The following CFAP43 variants were observed in gnomAD, a reference collection of about 807,000 sequenced individuals.
The protein encoded by CFAP43 is cilia and flagella associated protein 43.
CFAP43 carries 155 observed loss-of-function variants against 218.9 expected under a neutral mutation model. The ratio of observed to expected loss-of-function variants is 0.71; its 90% CI spans 0.62 to 0.81. The LOEUF (loss-of-function observed/expected upper bound fraction) is 0.81, where lower values mean the gene tolerates loss of function less well. Among genes scored for constraint, CFAP43 ranks in the 30% least tolerant of loss-of-function variants. The pLI, the probability that CFAP43 is intolerant of heterozygous loss-of-function variation, is 0.00. For missense variants in CFAP43, 1,778 were observed against 1,954.3 expected (o/e 0.91, Z 1.70); for synonymous variants, 645 against 681.3 (o/e 0.95, Z 0.83).
intron 8 of CFAP43, among the ~76,000 whole-genome samples, chr10:104,199,556 A>C (rs1412058601): frequency 6.6e-6 from 1 of 152,242 alleles, no homozygotes; most frequent in Non-Finnish European, 1.5e-5. Context: ...TTCAGACAAT[A>C]AATAATATAA....
At chr10:104,174,626 C>A (rs2089542028) in intron 19 of CFAP43, among the ~76,000 whole-genome samples, 1 of 151,958 alleles carries the variant, frequency 6.6e-6, no homozygotes, top group African/African-American at 2.4e-5. Context: ...CTATAAGATA[C>A]CTAAAATAAA....
Position 104,167,632 on chromosome 10 carries a change from C to G in CFAP43, c.2797G>C (p.Glu933Gln). The change falls in exon 22 of 38, where the codon GAG (glutamate) becomes CAG (glutamine). Residue 933 changes from glutamate to glutamine, a missense_variant. Physicochemically the swap from Glu to Gln is conservative, Grantham distance 29. This residue lies in a region of CFAP43 where 1,553 missense variants were observed against 1,685.2 expected (regional missense o/e 0.92). Transcript: ENST00000357060. Reference sequence around the variant, plus strand: ...ATTTAAAATAGTACTTTAAGACACTCTGCTTCAATCTTCTTTTGCTGTAAA... The same window carrying G: ...ATTTAAAATAGTACTTTAAGACACTGTGCTTCAATCTTCTTTTGCTGTAAA... ...RVLQQKKIEA[E>Q]CLKLRKEIVE... is the part of the protein sequence containing the mutation. 6.2e-7 allele frequency: 1 copy of G among 1,607,740 alleles called. No individual in the cohort carries two copies. Among genetic ancestry groups the G allele is most frequent in the Non-Finnish European group, 8.5e-7 (1 of 1,178,246 alleles).
chr10:104,152,568 A>C, intron 28 of CFAP43, 39 bp downstream of exon 28: 1 of 1,609,428 alleles, frequency 6.2e-7, no homozygotes, highest in Non-Finnish European at 8.5e-7. Context: ...AGGGCCCTGC[A>C]AGCTCCTTAA....
chr10:104,231,312 A>G (rs1490582259), intron 1 of CFAP43, among the ~76,000 whole-genome samples: 1 of 152,230 alleles, frequency 6.6e-6, no homozygotes, highest in African/African-American at 2.4e-5. Context: ...GAGTAGGAAA[A>G]TTGCTTATTT....
At chr10:104,198,063 A>C in intron 8 of CFAP43, 25 bp from the exon 9 acceptor site, 2 of 1,364,794 alleles carry the variant, frequency 1.5e-6, no homozygotes, top group South Asian at 1.2e-5. Flanking sequence ...AAAGAAAAGA[A>C]ACACATTGTA....
At chr10:104,218,087 G>A (rs531915611) in intron 3 of CFAP43, among the ~76,000 whole-genome samples, 5 of 152,122 alleles carry the variant, frequency 3.3e-5, no homozygotes, top group Admixed American at 1.3e-4. Flanking sequence ...AGTGGCTCAC[G>A]CCTGTAATCC....
chr10:104,156,520 C>T (rs2088556716), intron 27 of CFAP43, among the ~76,000 whole-genome samples: 1 of 152,072 alleles, frequency 6.6e-6, no homozygotes, highest in African/African-American at 2.4e-5. Flanking sequence ...GAGACTACAT[C>T]AAAGAAGAGT....
intron 23 of CFAP43, among the ~76,000 whole-genome samples, 178 bp downstream of exon 23, chr10:104,166,310 G>A (rs1303654590): frequency 6.6e-6 from 1 of 152,122 alleles, no homozygotes; most frequent in African/African-American, 2.4e-5. Flanking sequence ...TTGACCTCAC[G>A]ATCTGACTGC....
intron 29 of CFAP43, 23 bp downstream of exon 29, chr10:104,147,868 C>T: frequency 6.5e-7 from 1 of 1,526,774 alleles, no homozygotes; most frequent in Non-Finnish European, 8.9e-7. Flanking sequence ...TGCTTGTATT[C>T]AGATTTCAGA....
At chr10:104,175,630 T>A (rs1216011118) in intron 19 of CFAP43, among the ~76,000 whole-genome samples, 1 of 152,144 alleles carries the variant, frequency 6.6e-6, no homozygotes, top group Non-Finnish European at 1.5e-5. Flanking sequence ...ATTGTTTACC[T>A]TCGTGATTGC....
chr10:104,174,403 T>C (rs189034976), intron 19 of CFAP43, among the ~76,000 whole-genome samples: 131 of 152,238 alleles, frequency 8.6e-4, no homozygotes, highest in African/African-American at 3.1e-3. Flanking sequence ...ACTCCCCTTT[T>C]TAAAACTATC....
chr10:104,182,561 A>T (rs1166749189), intron 16 of CFAP43, 48 bp from the exon 17 acceptor site: 2 of 1,503,672 alleles, frequency 1.3e-6, no homozygotes, highest in Admixed American at 2.4e-5. Context: ...ATCATAATTT[A>T]AAAAATCACA....
intron 4 of CFAP43, 137 bp downstream of exon 4, chr10:104,214,121 GA>G: frequency 1.4e-6 from 1 of 721,196 alleles, no homozygotes; most frequent in Non-Finnish European, 2.0e-6. Flanking sequence ...AAGATAAGCT[GA>G]ACGTATGTGT....
At chr10:104,176,475 T>C (rs1165161771) in intron 19 of CFAP43, among the ~76,000 whole-genome samples, 1 of 152,220 alleles carries the variant, frequency 6.6e-6, no homozygotes, top group East Asian at 1.9e-4. Context: ...AAAATTCTGC[T>C]TTATAATAAA....
At chr10:104,190,851 T>C (rs726934) in intron 12 of CFAP43, among the ~76,000 whole-genome samples, 34,646 of 152,130 alleles carry the variant, frequency 0.23, 4,209 homozygotes, top group Middle Eastern at 0.32. Context: ...CTTCCTTAAC[T>C]GGGCTCTGCC....
intron 16 of CFAP43, among the ~76,000 whole-genome samples, chr10:104,184,107 A>T (rs917287462): frequency 6.6e-6 from 1 of 152,216 alleles, no homozygotes; most frequent in Non-Finnish European, 1.5e-5. Context: ...CTTTGCAAAG[A>T]TTACGGCAGT....
intron 10 of CFAP43, among the ~76,000 whole-genome samples, chr10:104,194,253 A>C (rs2090321132): frequency 6.6e-6 from 1 of 152,170 alleles, no homozygotes; most frequent in Non-Finnish European, 1.5e-5. Flanking sequence ...AATTAGAGAG[A>C]GATTTCTTGA....
chr10:104,168,092 C>T (rs1019161031), intron 21 of CFAP43, among the ~76,000 whole-genome samples: 3 of 152,048 alleles, frequency 2.0e-5, no homozygotes, highest in Non-Finnish European at 1.5e-5. Flanking sequence ...CAAATAGAGG[C>T]CAGAGATGTT....
chr10:104,161,866 T>C (rs1158114238), intron 26 of CFAP43, 95 bp downstream of exon 26: 1 of 1,163,124 alleles, frequency 8.6e-7, no homozygotes, highest in African/African-American at 1.5e-5. Flanking sequence ...CTGTAGAACT[T>C]CTAAAACCCA....
Sources: allele counts gnomAD v4.1 joint callset (sites outside exome capture counted in the v4.1 genomes callset), GRCh38; gene constraint gnomAD v4.1.1; regional missense constraint gnomAD v4.1.1; transcripts MANE v1.5; gene names NCBI Gene and HGNC (gene_info 2026-07-23, HGNC 2026-07-21).